NCLN: variants seen among roughly 807,000 people sequenced by gnomAD.
The protein encoded by NCLN is BOS complex subunit NCLN.
In NCLN, 34 loss-of-function variants were observed where a neutral mutation model predicts 69.5. The ratio of observed to expected loss-of-function variants is 0.49; its 90% CI spans 0.37 to 0.65. NCLN has a LOEUF of 0.65. Ranked by LOEUF, NCLN falls within the 30% of genes least tolerant of loss-of-function variation. NCLN has a pLI of 0.00. For missense variants in NCLN, 710 were observed against 804.8 expected, an observed-to-expected ratio of 0.88 and a Z score of 1.42; for synonymous variants, 393 against 358.3, an observed-to-expected ratio of 1.10 and a Z score of -1.09.
At chr19:3,203,618 C>T (rs1194241472) in intron 6 of NCLN, 138 bp from the exon 7 acceptor site, 52 of 740,916 alleles carry the variant, frequency 7.0e-5, no homozygotes, top group Non-Finnish European at 1.0e-4. Context: ...GGGTCATGCC[C>T]CGCCCTAAGG....
At chr19:3,198,333 C>T (rs566673547) in intron 4 of NCLN, among the ~76,000 whole-genome samples, 3 of 152,020 alleles carry the variant, frequency 2.0e-5, no homozygotes, top group African/African-American at 7.2e-5. Context: ...GATGAAACCC[C>T]GTCTCTACTA....
At chr19:3,192,238 T>C (rs1009509636) in intron 1 of NCLN, among the ~76,000 whole-genome samples, 6 of 152,186 alleles carry the variant, frequency 3.9e-5, no homozygotes, top group African/African-American at 1.4e-4. Flanking sequence ...GACCCAGGGT[T>C]CGCGTGGCAC....
Position 3,203,993 on chromosome 19 carries a change from G to C in NCLN, c.890-12G>C. ...GTCCCCACCCACCCCGCCAGCTCTCGGTGTCCTGCAGACTCCAGCCTGCTT... is the reference window on the plus strand; with the variant it reads ...GTCCCCACCCACCCCGCCAGCTCTCCGTGTCCTGCAGACTCCAGCCTGCTT... On this transcript the variant is annotated splice_polypyrimidine_tract_variant and intron_variant, in intron 7 of 14. Transcript: ENST00000246117. The C allele has an allele frequency of 6.4e-7, 1 of 1,559,066 alleles. No individual in the cohort carries two copies. The highest frequency in any genetic ancestry group is 8.7e-7 in the Non-Finnish European group (1 of 1,152,152).
chr19:3,186,102 C>T lies in NCLN; in HGVS notation c.72C>T (p.Val24=), dbSNP rs1052844287. Residue 24 remains valine (V), a synonymous_variant, in exon 1 of 15, where the codon GTC becomes GTT. Transcript: ENST00000246117. The part of the protein sequence containing the change: ...KASCLPLGFI[V]FLPAVLLLVA... ...CTTGTCTGCCGCTCGGCTTCATCGT[C>T]TTCCTGCCCGCTGTGCTGCTGCTGG... The T allele has an allele frequency of 6.3e-6, 10 of 1,599,840 alleles. No homozygotes were observed. The highest frequency in any genetic ancestry group is 8.5e-6 in the Non-Finnish European group (10 of 1,174,994).
rs1916325467 is a variant in NCLN at position 3,208,076 on chromosome 19, G to GC, written c.*389dup. ...CGGCCTCCGCCCACCGCCTCCTGCC[G>GC]CAAGGGGCCTGGACTGCAGGCCTGA... On this transcript the variant is annotated 3_prime_UTR_variant, in exon 15 of 15. Transcript: ENST00000246117. 4.2e-6 allele frequency: 1 copy of GC among 239,140 alleles called. No homozygotes were observed. The highest frequency in any genetic ancestry group is 2.3e-5 in the African/African-American group (1 of 44,016). 14.8% of individuals were successfully genotyped at this position (239,140 alleles called of 1,614,324 possible).
At chr19:3,192,894 G>C (rs956050050) in intron 2 of NCLN, among the ~76,000 whole-genome samples, 1 of 152,144 alleles carries the variant, frequency 6.6e-6, no homozygotes, top group Non-Finnish European at 1.5e-5. Flanking sequence ...TGGAGGCCAG[G>C]GATACTGCTC....
At chr19:3,194,601 C>G (rs1307322670) in intron 3 of NCLN, among the ~76,000 whole-genome samples, 1 of 152,224 alleles carries the variant, frequency 6.6e-6, no homozygotes, top group Non-Finnish European at 1.5e-5. Context: ...AAAGTGTTAT[C>G]TGATCCTTTG....
At chr19:3,186,888 C>T (rs564737913) in intron 1 of NCLN, among the ~76,000 whole-genome samples, 67 of 151,896 alleles carry the variant, frequency 4.4e-4, no homozygotes, top group Non-Finnish European at 8.5e-4. Flanking sequence ...TCGCTCTAGT[C>T]ACCGGCCCCC....
In NCLN at chr19:3,200,098, GC is replaced by G. The variant is rs1916086544; in HGVS notation, c.696+1206del. Among the ~76,000 whole-genome samples the G allele has an allele frequency of 2.6e-5, 4 of 152,026 alleles. No homozygotes were observed. The South Asian group carries it at 8.3e-4, about 32-fold the overall frequency. ...AGTGCCCGACCCCTTGGAGGGCCAG[GC>G]CCCCAGCCTTGAGAATGCCTGGTCC... On this transcript the variant is annotated intron_variant, in intron 5 of 14. Coordinates refer to ENST00000246117, the MANE Select transcript of NCLN (RefSeq NM_020170.4).
chr19:3,186,441 C>T (rs1026225214), intron 1 of NCLN, among the ~76,000 whole-genome samples: 1 of 152,162 alleles, frequency 6.6e-6, no homozygotes, highest in Non-Finnish European at 1.5e-5. Context: ...CAGCCCCCGG[C>T]CCCTGCCTAG....
At chr19:3,204,270 C>T (rs144601411) in intron 8 of NCLN, 126 bp downstream of exon 8, 51 of 1,214,306 alleles carry the variant, frequency 4.2e-5, no homozygotes, top group South Asian at 2.8e-4. Flanking sequence ...CACACTGTGT[C>T]GGGGTCGGGC....
chr19:3,190,255 G>A (rs1287163667), intron 1 of NCLN, among the ~76,000 whole-genome samples: 1 of 152,220 alleles, frequency 6.6e-6, no homozygotes, highest in Non-Finnish European at 1.5e-5. Context: ...CAGGCCTGGT[G>A]ATGTCAGGCT....
rs1290800194 is a variant in NCLN, at chr19:3,209,510, G to A, written c.*1822G>A. ...TGATGGATGCACTGACTGACCGTCT[G>A]GGGCTCAGGCTGGTGTGGGATGCAG... On this transcript the variant is annotated 3_prime_UTR_variant, in exon 15 of 15. Coordinates refer to ENST00000246117, the MANE Select transcript of NCLN (RefSeq NM_020170.4). The A allele has an allele frequency of 1.3e-5, 2 of 152,302 alleles. No individual in the cohort carries two copies. The highest frequency in any genetic ancestry group is 4.8e-5 in the African/African-American group (2 of 41,472). The allele number at this position is 152,302 out of a possible 1,614,324, so 9.4% of individuals were successfully genotyped here.
In NCLN at chr19:3,201,644, C is replaced by CGGG; in HGVS notation, c.800+18_800+19insGGG. The CGGG allele has an allele frequency of 6.7e-7, 1 of 1,485,514 alleles. No individual in the cohort carries two copies. Among genetic ancestry groups the CGGG allele is most frequent in the Non-Finnish European group, 9.1e-7 (1 of 1,104,586 alleles). The allele number at this position is 1,485,514 out of a possible 1,614,324, so 92.0% of individuals were successfully genotyped here. A position where few individuals can be genotyped will look rare whatever the true frequency, so the allele number is the denominator to read the frequency against. ...CACGCCGCGTGAGTGCCGGGGTGGG[C>CGGG]AGGGGGATGGGGGTGCGGGGGCCAC... is the stretch of plus-strand genomic sequence containing the variant. On this transcript the variant is annotated intron_variant, in intron 6 of 14. Coordinates refer to ENST00000246117, the MANE Select transcript of NCLN (RefSeq NM_020170.4).
In NCLN at chr19:3,198,807, C is replaced by G. The variant is rs375378198; in HGVS notation, c.616-10C>G. 1 of 1,579,408 alleles carries G rather than the reference C, an allele frequency of 6.3e-7. No homozygotes were observed. Among genetic ancestry groups the G allele is most frequent in the African/African-American group, 1.4e-5 (1 of 72,218 alleles). On this transcript the variant is annotated splice_polypyrimidine_tract_variant and intron_variant, in intron 4 of 14. Coordinates refer to ENST00000246117, the MANE Select transcript of NCLN (RefSeq NM_020170.4). ...AACAGCCAGGCCATTCCCCTGCTCT[C>G]TATCCACAGGGGCGGCTGACGGGGC...
chr19:3,195,557 C>T (rs1372733106), intron 3 of NCLN, among the ~76,000 whole-genome samples: 2 of 152,156 alleles, frequency 1.3e-5, no homozygotes, highest in East Asian at 1.9e-4. Context: ...CCGATCATAT[C>T]TTACATACCT....
At chr19:3,195,795 TA>T (rs1190764225) in intron 3 of NCLN, among the ~76,000 whole-genome samples, 2 of 150,870 alleles carry the variant, frequency 1.3e-5, no homozygotes, top group African/African-American at 4.9e-5. Context: ...TGTCTCAAAT[TA>T]AAAAAAAAGT....
At chr19:3,191,315 C>T (rs749056665) in intron 1 of NCLN, among the ~76,000 whole-genome samples, 3 of 152,002 alleles carry the variant, frequency 2.0e-5, no homozygotes, top group Non-Finnish European at 2.9e-5. Flanking sequence ...GTTTCCAGAG[C>T]GGTGACCGTG....
chr19:3,193,464 G>A (rs764161649), intron 3 of NCLN, 36 bp downstream of exon 3: 19 of 1,560,258 alleles, frequency 1.2e-5, no homozygotes, highest in East Asian at 2.3e-5. Context: ...GCCCGTGGGC[G>A]TGGGTGTGGG....
Sources: allele counts gnomAD v4.1 joint callset (sites outside exome capture counted in the v4.1 genomes callset), GRCh38; gene constraint gnomAD v4.1.1; transcripts MANE v1.5; gene names NCBI Gene and HGNC (gene_info 2026-07-23, HGNC 2026-07-21).